NOX4: variants seen among roughly 807,000 people sequenced by gnomAD.
NOX4 encodes NADPH oxidase 4.
A neutral mutation model predicts 87.6 loss-of-function variants in NOX4; 69 were observed. That is an observed-to-expected ratio of 0.79 (90% CI 0.65 to 0.96). The LOEUF (loss-of-function observed/expected upper bound fraction) is 0.96, where lower values mean the gene tolerates loss of function less well. Among genes scored for constraint, NOX4 ranks in the 40% least tolerant of loss-of-function variants. The probability of loss-of-function intolerance (pLI) is 0.00; values close to 1 mark genes in which losing one functional copy is unlikely to be tolerated. For missense variants in NOX4, 680 were observed against 681.5 expected, an observed-to-expected ratio of 1.00 and a Z score of 0.02; for synonymous variants, 275 against 238.2, an observed-to-expected ratio of 1.15 and a Z score of -1.42.
At chr11:89,381,286 G>A (rs1591069143) in intron 11 of NOX4, among the ~76,000 whole-genome samples, 1 of 152,118 alleles carries the variant, frequency 6.6e-6, no homozygotes, top group Non-Finnish European at 1.5e-5. Flanking sequence ...GAATACAGAT[G>A]TCAGGAAAGC....
intron 12 of NOX4, among the ~76,000 whole-genome samples, chr11:89,357,450 G>C (rs1938156249): frequency 6.6e-6 from 1 of 152,026 alleles, no homozygotes; most frequent in Non-Finnish European, 1.5e-5. Context: ...TCAATCAAAT[G>C]ACTAGTAAAC....
chr11:89,509,350 T>C, the NOX4 span, among the ~76,000 whole-genome samples: 1 of 152,066 alleles, frequency 6.6e-6, no homozygotes, highest in Non-Finnish European at 1.5e-5. Context: ...TGTCATATAC[T>C]GTCAGGGGTC....
intron 3 of NOX4, among the ~76,000 whole-genome samples, chr11:89,450,995 T>C (rs1374847799): frequency 1.4e-5 from 2 of 142,046 alleles, no homozygotes; most frequent in East Asian, 2.1e-4. Context: ...TCCTCACTCA[T>C]AGGTGGGAAA....
At chr11:89,422,555 G>A (rs921124834) in intron 7 of NOX4, among the ~76,000 whole-genome samples, 2 of 152,106 alleles carry the variant, frequency 1.3e-5, no homozygotes, top group South Asian at 4.1e-4. Flanking sequence ...ATGTTTGAGA[G>A]AAGTAAAAGA....
At chr11:89,481,300 A>G (rs1275495211) in intron 2 of NOX4, among the ~76,000 whole-genome samples, 1 of 151,906 alleles carries the variant, frequency 6.6e-6, no homozygotes, top group Non-Finnish European at 1.5e-5. Context: ...ATACAATATT[A>G]CCATTTGGTT....
Position 89,351,257 on chromosome 11 carries a change from TGAA to T in NOX4, c.1217+3702_1217+3704del, listed in dbSNP as rs1946445675. ...AAGGCCTTAACTCTCTTCTATTCCATGAAGGCTGACAGAGATGTGGAAGCTGCA... is the reference window on the plus strand; with the variant it reads ...AAGGCCTTAACTCTCTTCTATTCCATGGCTGACAGAGATGTGGAAGCTGCA... On this transcript the variant is annotated intron_variant, in intron 13 of 17. Transcript: ENST00000263317. Among the ~76,000 whole-genome samples the T allele has an allele frequency of 2.0e-5, 3 of 152,310 alleles. No homozygotes were observed. The South Asian group carries it at 6.2e-4, about 32-fold the overall frequency.
intron 17 of NOX4, among the ~76,000 whole-genome samples, chr11:89,328,225 T>C (rs1945297041): frequency 6.6e-6 from 1 of 152,188 alleles, no homozygotes; most frequent in Admixed American, 6.6e-5. Context: ...TCAGTTCATA[T>C]ATGATAAGAA....
the NOX4 span, among the ~76,000 whole-genome samples, chr11:89,506,275 AAAAG>A: frequency 7.7e-6 from 1 of 130,170 alleles, no homozygotes; most frequent in African/African-American, 2.9e-5. Context: ...GAAAGAAAGA[AAAAG>A]AAAGGAAGAA....
rs567028838 is a variant in NOX4, at chr11:89,374,463, G to A, written c.1075-971C>T. ...TATGGGTAAGGGACCATCTGCCTGC[G>A]ACTACCCAGCTTTTATCAAGTACCA... On this transcript the variant is annotated intron_variant, in intron 11 of 17. Coordinates refer to ENST00000263317, the MANE Select transcript of NOX4 (RefSeq NM_016931.5). Among the ~76,000 whole-genome samples the A allele has an allele frequency of 5.3e-5, 8 of 152,244 alleles. No individual in the cohort carries two copies. In the South Asian group the frequency reaches 8.3e-4, roughly 16 times the overall value.
chr11:89,365,753 C>CAA (rs1213376592), intron 12 of NOX4, among the ~76,000 whole-genome samples: 3,903 of 54,480 alleles, frequency 0.072, 135 homozygotes, highest in East Asian at 0.079. Flanking sequence ...ACCACGCCCA[C>CAA]AAAAAAAAAA....
intron 11 of NOX4, among the ~76,000 whole-genome samples, chr11:89,376,967 A>G (rs1591060723): frequency 6.6e-6 from 1 of 152,182 alleles, no homozygotes; most frequent in African/African-American, 2.4e-5. Flanking sequence ...CTGAGGCAGG[A>G]GAATCACTTG....
chr11:89,537,146 GT>G, the NOX4 span, among the ~76,000 whole-genome samples: 1 of 152,078 alleles, frequency 6.6e-6, no homozygotes, highest in Non-Finnish European at 1.5e-5. Flanking sequence ...TTTTGCCATT[GT>G]TTAAAAATAT....
In NOX4 at chr11:89,324,451, T is replaced by C. The variant is rs1371459120; in HGVS notation, c.*2305A>G. ...ATAATCCCTCAAAATAAAACAAAGT[T>C]CTCTTAAACATGCAAGATGAAGCCC... On this transcript the variant is annotated 3_prime_UTR_variant, in exon 18 of 18. Transcript: ENST00000263317. 1 of 152,086 alleles carries C rather than the reference T, an allele frequency of 6.6e-6. No homozygotes were observed. The highest frequency in any genetic ancestry group is 2.4e-5 in the African/African-American group (1 of 41,418). The allele number at this position is 152,086 out of a possible 1,614,324, so 9.4% of individuals were successfully genotyped here. A position where few individuals can be genotyped will look rare whatever the true frequency, so the allele number is the denominator to read the frequency against.
intron 7 of NOX4, among the ~76,000 whole-genome samples, chr11:89,429,769 A>T (rs961602667): frequency 6.6e-6 from 1 of 152,220 alleles, no homozygotes; most frequent in Admixed American, 6.5e-5. Context: ...GAATTCTACC[A>T]GAGGTACAAG....
At chr11:89,540,029 C>A in the NOX4 span, among the ~76,000 whole-genome samples, 2 of 152,250 alleles carry the variant, frequency 1.3e-5, no homozygotes, top group Middle Eastern at 3.4e-3. Flanking sequence ...TAAATCTAGC[C>A]TAAGAACAGA....
intron 13 of NOX4, among the ~76,000 whole-genome samples, chr11:89,348,955 C>T (rs1946331839): frequency 6.6e-6 from 1 of 152,068 alleles, no homozygotes; most frequent in East Asian, 1.9e-4. Flanking sequence ...AAGCACAATT[C>T]CTGGATGTGT....
At chr11:89,471,713 C>A (rs542229034) in intron 2 of NOX4, among the ~76,000 whole-genome samples, 10 of 152,026 alleles carry the variant, frequency 6.6e-5, no homozygotes, top group Admixed American at 5.3e-4. Flanking sequence ...GATTACCTAA[C>A]TTTTTTGATT....
At chr11:89,355,578 T>C (rs1041187271) in intron 12 of NOX4, among the ~76,000 whole-genome samples, 1 of 151,910 alleles carries the variant, frequency 6.6e-6, no homozygotes, top group Non-Finnish European at 1.5e-5. Context: ...ACCCATGCAA[T>C]GTGAATCAAA....
At position 89,432,867 on chromosome 11, in the gene NOX4, G is replaced by A. The variant is rs949399006; in HGVS notation, c.476-11C>T. Reference sequence around the variant, plus strand: ...CTGTCAGGCCAGGAACTATAAAAATGTATACAAGTAGGTTTTTACTTAAAT... The same window carrying A: ...CTGTCAGGCCAGGAACTATAAAAATATATACAAGTAGGTTTTTACTTAAAT... On this transcript the variant is annotated splice_polypyrimidine_tract_variant and intron_variant, in intron 6 of 17. Coordinates refer to ENST00000263317, the MANE Select transcript of NOX4 (RefSeq NM_016931.5). 6.3e-7 allele frequency: 1 copy of A among 1,584,210 alleles called. No homozygotes were observed. The highest frequency in any genetic ancestry group is 8.7e-7 in the Non-Finnish European group (1 of 1,154,636).
Sources: gnomAD v4.1 joint callset for allele counts (sites outside exome capture counted in the v4.1 genomes callset) on GRCh38, gnomAD v4.1.1 for gene constraint, MANE v1.5 for transcripts, NCBI Gene and HGNC (gene_info 2026-07-23, HGNC 2026-07-21) for gene names.